Variants in AGBL4 observed in about 807,000 individuals in gnomAD.
AGBL4 encodes cytosolic carboxypeptidase 6.
Under a neutral mutation model 66.4 loss-of-function variants are expected in AGBL4, and 58 were observed. The observed-to-expected ratio is 0.87, with a 90% CI of 0.71 to 1.09. The LOEUF (loss-of-function observed/expected upper bound fraction) is 1.09, where lower values mean the gene tolerates loss of function less well. Ranked by LOEUF, AGBL4 falls within the 50% of genes least tolerant of loss-of-function variation. AGBL4 has a pLI of 0.00. For missense variants in AGBL4, 579 were observed against 631.0 expected (o/e 0.92, Z 0.88); for synonymous variants, 234 against 222.9 (o/e 1.05, Z -0.44).
At chr1:48,809,286 T>A (rs1645997462) in intron 6 of AGBL4, among the ~76,000 whole-genome samples, 2 of 152,194 alleles carry the variant, frequency 1.3e-5, no homozygotes, top group South Asian at 4.1e-4. Context: ...GAGATGAACA[T>A]TTGTCCCATT....
chr1:50,010,970 A>T (rs941770031), intron 1 of AGBL4, among the ~76,000 whole-genome samples: 1 of 152,206 alleles, frequency 6.6e-6, no homozygotes, highest in Non-Finnish European at 1.5e-5. Context: ...GACAAATGGG[A>T]TCACATCAAG....
the AGBL4 span, among the ~76,000 whole-genome samples, chr1:48,527,610 T>G: frequency 1.3e-5 from 2 of 149,872 alleles, no homozygotes; most frequent in African/African-American, 4.9e-5. Flanking sequence ...AAAAAAAAAT[T>G]GATAAACAGA....
At chr1:49,852,408 C>T (rs1189334506) in intron 1 of AGBL4, among the ~76,000 whole-genome samples, 1 of 152,246 alleles carries the variant, frequency 6.6e-6, no homozygotes, top group East Asian at 1.9e-4. Flanking sequence ...GAGTCATAGA[C>T]ACACAGGGAA....
Position 48,653,360 on chromosome 1 carries a change from A to T in AGBL4, c.816T>A (p.Asp272Glu), listed in dbSNP as rs2148442598. ...ACCTGTAATTGCCCAGGTAGACTCC[A>T]TCAGGATTGAGCATTGGTGCGATCT... is the stretch of plus-strand genomic sequence containing the variant. ...VFKIAPMLNP[D>E]GVYLGNYRCS... Residue 272 changes from aspartate to glutamate, a missense_variant, in exon 8 of 14, where the codon GAT becomes GAA. Coordinates refer to ENST00000371839, the MANE Select transcript of AGBL4 (RefSeq NM_032785.4). 6.3e-7 allele frequency: 1 copy of T among 1,582,220 alleles called. No homozygotes were observed. Among genetic ancestry groups the T allele is most frequent in the East Asian group, 2.3e-5 (1 of 43,574 alleles).
chr1:49,174,544 TG>T (rs1259130079), intron 4 of AGBL4, among the ~76,000 whole-genome samples: 1 of 152,102 alleles, frequency 6.6e-6, no homozygotes, highest in Non-Finnish European at 1.5e-5. Context: ...CATTTTTGAT[TG>T]ATGAATTTGA....
intron 5 of AGBL4, among the ~76,000 whole-genome samples, chr1:48,972,280 C>A (rs764495074): frequency 6.6e-6 from 1 of 152,016 alleles, no homozygotes; most frequent in Non-Finnish European, 1.5e-5. Context: ...TGGACTTAGT[C>A]CATCCGTATC....
chr1:49,849,679 T>TG (rs1646257485), intron 2 of AGBL4, among the ~76,000 whole-genome samples: 1 of 152,014 alleles, frequency 6.6e-6, no homozygotes, highest in African/African-American at 2.4e-5. Flanking sequence ...TACAACCAAT[T>TG]ATTCATAAAT....
intron 3 of AGBL4, among the ~76,000 whole-genome samples, chr1:49,298,479 C>A (rs886214983): frequency 6.6e-5 from 10 of 152,154 alleles, no homozygotes; most frequent in African/African-American, 2.4e-4. Flanking sequence ...AAAATAAGAA[C>A]CCCAGGAAGG....
intron 1 of AGBL4, among the ~76,000 whole-genome samples, chr1:49,982,726 C>T (rs1188034325): frequency 6.6e-6 from 1 of 152,080 alleles, no homozygotes; most frequent in East Asian, 1.9e-4. Context: ...CCTCTGAACC[C>T]CATAAAAACC....
chr1:49,887,241 A>ATG (rs1158718631), intron 1 of AGBL4, among the ~76,000 whole-genome samples: 17 of 150,636 alleles, frequency 1.1e-4, no homozygotes, highest in Non-Finnish European at 1.8e-4. Context: ...TTGTATATAT[A>ATG]TGTGTGTGTG....
intron 3 of AGBL4, among the ~76,000 whole-genome samples, chr1:49,640,386 T>C (rs936942194): frequency 1.5e-4 from 23 of 152,266 alleles, no homozygotes; most frequent in Non-Finnish European, 3.1e-4. Flanking sequence ...TTGAAACAGC[T>C]AAATCTCTTT....
intron 6 of AGBL4, among the ~76,000 whole-genome samples, chr1:48,781,868 C>A (rs1441398062): frequency 6.6e-6 from 1 of 152,220 alleles, no homozygotes; most frequent in African/African-American, 2.4e-5. Flanking sequence ...TCACCTGTCT[C>A]TCCTCATATG....
At chr1:49,595,129 C>T (rs932344532) in intron 3 of AGBL4, among the ~76,000 whole-genome samples, 1 of 152,112 alleles carries the variant, frequency 6.6e-6, no homozygotes, top group East Asian at 1.9e-4. Flanking sequence ...CTCGCTGTCA[C>T]CCAGGCTGGA....
intron 3 of AGBL4, among the ~76,000 whole-genome samples, chr1:49,375,699 C>T (rs1644458693): frequency 6.6e-6 from 1 of 152,066 alleles, no homozygotes; most frequent in African/African-American, 2.4e-5. Context: ...GGACAAAGCA[C>T]AATTCATCAT....
chr1:49,848,881 A>G (rs935147996), intron 2 of AGBL4, among the ~76,000 whole-genome samples: 1 of 152,188 alleles, frequency 6.6e-6, no homozygotes, highest in Non-Finnish European at 1.5e-5. Context: ...GTTTATAGAG[A>G]TATGCAAAAT....
chr1:49,312,553 GA>G (rs1159340305), intron 3 of AGBL4, among the ~76,000 whole-genome samples: 1 of 151,822 alleles, frequency 6.6e-6, no homozygotes, highest in Non-Finnish European at 1.5e-5. Context: ...CACAGACTGG[GA>G]AAAAATATTT....
the AGBL4 span, among the ~76,000 whole-genome samples, chr1:48,526,896 C>G: frequency 6.6e-6 from 1 of 152,184 alleles, no homozygotes; most frequent in Non-Finnish European, 1.5e-5. Flanking sequence ...AATCTGTCTC[C>G]TTCATCTCTC....
chr1:49,392,400 G>T (rs1004992487), intron 3 of AGBL4, among the ~76,000 whole-genome samples: 1 of 152,154 alleles, frequency 6.6e-6, no homozygotes, highest in Non-Finnish European at 1.5e-5. Flanking sequence ...GCCAGGAACC[G>T]TGTTTCTCAG....
intron 2 of AGBL4, among the ~76,000 whole-genome samples, chr1:49,830,444 C>T (rs1645636853): frequency 6.6e-6 from 1 of 152,150 alleles, no homozygotes; most frequent in African/African-American, 2.4e-5. Flanking sequence ...ATATCCTTCA[C>T]TCACTTGCTC....
Sources: allele counts gnomAD v4.1 joint callset (sites outside exome capture counted in the v4.1 genomes callset), GRCh38; gene constraint gnomAD v4.1.1; transcripts MANE v1.5; gene names NCBI Gene and HGNC (gene_info 2026-07-23, HGNC 2026-07-21).